Variants in PGAP2 observed in about 807,000 individuals in gnomAD.
PGAP2 encodes the protein post-GPI attachment to proteins 2.
PGAP2 carries 21 observed loss-of-function variants against 33.2 expected under a neutral mutation model. The observed-to-expected ratio is 0.63, with a 90% CI of 0.45 to 0.91. PGAP2 has a LOEUF of 0.91. Ranked by LOEUF, PGAP2 falls within the 40% of genes least tolerant of loss-of-function variation. The pLI, the probability that PGAP2 is intolerant of heterozygous loss-of-function variation, is 0.00. For missense variants in PGAP2, 345 were observed against 424.0 expected, an observed-to-expected ratio of 0.81 and a Z score of 1.64; for synonymous variants, 161 against 172.9, an observed-to-expected ratio of 0.93 and a Z score of 0.54.
At chr11:3,816,486 C>T (rs2087051996) in intron 2 of PGAP2, among the ~76,000 whole-genome samples, 1 of 152,096 alleles carries the variant, frequency 6.6e-6, no homozygotes. Context: ...AGCTCAGTTC[C>T]CTGGGTCTGG....
At chr11:3,823,777 GA>G in intron 3 of PGAP2, 105 bp from the exon 4 acceptor site, 1 of 1,599,090 alleles carries the variant, frequency 6.3e-7, no homozygotes, top group South Asian at 1.1e-5. Context: ...CTTGGAAGGG[GA>G]GGGGCTGGAG....
At chr11:3,813,536 A>G (rs1294392557) in intron 2 of PGAP2, among the ~76,000 whole-genome samples, 1 of 152,168 alleles carries the variant, frequency 6.6e-6, no homozygotes, top group Non-Finnish European at 1.5e-5. Flanking sequence ...GGTATGCACA[A>G]CCATGCCCAG....
intron 1 of PGAP2, among the ~76,000 whole-genome samples, chr11:3,802,076 C>T (rs1590099513): frequency 6.6e-5 from 9 of 137,150 alleles, no homozygotes; most frequent in African/African-American, 8.1e-5. Flanking sequence ...TTTCCTTTTC[C>T]TTTTTTTTTT....
At chr11:3,819,052 A>G (rs561794039) in intron 3 of PGAP2, among the ~76,000 whole-genome samples, 33 of 152,202 alleles carry the variant, frequency 2.2e-4, no homozygotes, top group Admixed American at 5.2e-4. Context: ...TGTGCTTTAC[A>G]TATTTATTTA....
chr11:3,799,540 A>T (rs2083154089), intron 1 of PGAP2, among the ~76,000 whole-genome samples: 1 of 151,866 alleles, frequency 6.6e-6, no homozygotes. Context: ...TTTTTAAAAA[A>T]CCTCCACCAC....
chr11:3,801,086 A>T (rs1180218676), intron 1 of PGAP2, among the ~76,000 whole-genome samples: 3 of 151,674 alleles, frequency 2.0e-5, no homozygotes, highest in Non-Finnish European at 2.9e-5. Context: ...GTGAGCTGAG[A>T]TGGCACCATT....
chr11:3,800,478 A>G (rs2083277569), intron 1 of PGAP2, among the ~76,000 whole-genome samples: 1 of 152,206 alleles, frequency 6.6e-6, no homozygotes, highest in African/African-American at 2.4e-5. Flanking sequence ...AATTCAGTTT[A>G]AATTTATTTA....
intron 2 of PGAP2, among the ~76,000 whole-genome samples, chr11:3,815,718 T>A (rs1416787149): frequency 6.6e-6 from 1 of 152,234 alleles, no homozygotes; most frequent in Non-Finnish European, 1.5e-5. Context: ...CTATTCATTC[T>A]TATTCCTGGC....
intron 3 of PGAP2, 65 bp from the exon 4 acceptor site, chr11:3,823,818 G>A (rs2089450162): frequency 6.3e-7 from 1 of 1,597,514 alleles, no homozygotes; most frequent in Admixed American, 1.7e-5. Flanking sequence ...GTCAGATGGA[G>A]AGAAGGTTCT....
At chr11:3,810,188 C>T (rs1396020744) in intron 1 of PGAP2, among the ~76,000 whole-genome samples, 1 of 152,186 alleles carries the variant, frequency 6.6e-6, no homozygotes, top group Non-Finnish European at 1.5e-5. Context: ...ACTGCCTCAT[C>T]TATGTAGATT....
intron 1 of PGAP2, among the ~76,000 whole-genome samples, chr11:3,802,973 C>A (rs1309015308): frequency 2.1e-5 from 3 of 143,066 alleles, no homozygotes; most frequent in Non-Finnish European, 4.6e-5. Context: ...ACTACAGGCG[C>A]CTGCCACCAC....
Position 3,824,283 on chromosome 11 carries a change from T to C in PGAP2, c.615T>C (p.Asn205=). 6.2e-7 allele frequency: 1 copy of C among 1,614,170 alleles called. No homozygotes were observed. The highest frequency in any genetic ancestry group is 8.5e-7 in the Non-Finnish European group (1 of 1,180,038). ...SSSEDFTIHE[N]AFIVFIASSL... ...CTTTCCCTCCAGCCATCCACGAAAA[T>C]GCTTTCATTGTGTTCATTGCCTCAT... The change falls in exon 5 of 7, where the codon AAT becomes AAC. Residue 205 remains asparagine (N), a synonymous_variant. Transcript: ENST00000278243.
chr11:3,819,703 A>G (rs748454048), intron 3 of PGAP2, among the ~76,000 whole-genome samples: 33 of 152,076 alleles, frequency 2.2e-4, no homozygotes, highest in Non-Finnish European at 4.1e-4. Flanking sequence ...CACATGGGGA[A>G]GTTTGGGGTG....
chr11:3,826,337 T>C lies in PGAP2; in HGVS notation c.*879T>C, dbSNP rs1042683094. 6.6e-6 allele frequency: 1 copy of C among 151,750 alleles called. No homozygotes were observed. The highest frequency in any genetic ancestry group is 1.5e-5 in the Non-Finnish European group (1 of 67,934). The allele number at this position is 151,750 out of a possible 1,614,324, so 9.4% of individuals were successfully genotyped here. ...CATTTTATTTGAAAGGAAAATAAAT[T>C]TTTTTTTTGGGCCAACAGTTGCCTA... On this transcript the variant is annotated 3_prime_UTR_variant, in exon 7 of 7. Transcript: ENST00000278243.
chr11:3,824,601 A>C, intron 5 of PGAP2: 1 of 725,770 alleles, frequency 1.4e-6, no homozygotes, highest in Non-Finnish European at 2.2e-6. Flanking sequence ...GGAGAATAGA[A>C]GAGATGGAGG....
At chr11:3,802,929 C>A (rs1247401166) in intron 1 of PGAP2, among the ~76,000 whole-genome samples, 2 of 150,382 alleles carry the variant, frequency 1.3e-5, no homozygotes, top group African/African-American at 4.9e-5. Flanking sequence ...CGGGTTCACG[C>A]CATTCTCCTG....
At chr11:3,823,702 T>C in intron 3 of PGAP2, 181 bp from the exon 4 acceptor site, 1 of 1,589,894 alleles carries the variant, frequency 6.3e-7, no homozygotes, top group African/African-American at 1.3e-5. Context: ...ATCCAGCACT[T>C]TGGGCCTAGG....
intron 4 of PGAP2, 48 bp downstream of exon 4, chr11:3,824,183 C>T (rs367909901): frequency 1.2e-5 from 19 of 1,611,276 alleles, no homozygotes; most frequent in African/African-American, 2.7e-5. Context: ...CCTGAGGGGA[C>T]GGGCCTGCCC....
At chr11:3,822,950 G>A (rs1278413493) in intron 3 of PGAP2, 13 of 1,543,554 alleles carry the variant, frequency 8.4e-6, no homozygotes, top group Non-Finnish European at 1.1e-5. Flanking sequence ...AAGATGGATG[G>A]TGGAGATGCA....
Sources: gnomAD v4.1 joint callset for allele counts (sites outside exome capture counted in the v4.1 genomes callset) on GRCh38, gnomAD v4.1.1 for gene constraint, MANE v1.5 for transcripts, NCBI Gene and HGNC (gene_info 2026-07-23, HGNC 2026-07-21) for gene names.